Variants in TMEM114 observed in about 807,000 individuals in gnomAD.
TMEM114 encodes the protein transmembrane protein 114.
Under a neutral mutation model 6.2 loss-of-function variants are expected in TMEM114, and 6 were observed. That is an observed-to-expected ratio of 0.97 (90% CI 0.53 to 1.91). The LOEUF is 1.91. Ranked by LOEUF, TMEM114 falls within the 40% of genes most tolerant of loss-of-function variation. The probability of loss-of-function intolerance (pLI) is 0.01; values close to 1 mark genes in which losing one functional copy is unlikely to be tolerated. For missense variants in TMEM114, 218 were observed against 158.3 expected, an observed-to-expected ratio of 1.38 and a Z score of -2.02; for synonymous variants, 104 against 73.0, an observed-to-expected ratio of 1.42 and a Z score of -2.16.
intron 2 of TMEM114, among the ~76,000 whole-genome samples, chr16:8,561,966 G>A (rs200897708): frequency 7.9e-5 from 12 of 151,372 alleles, no homozygotes; most frequent in African/African-American, 2.9e-4. Flanking sequence ...GGGAGGGAGG[G>A]AATGAGTGAG....
chr16:8,554,769 G>A (rs1900953568), intron 2 of TMEM114, among the ~76,000 whole-genome samples: 1 of 152,210 alleles, frequency 6.6e-6, no homozygotes, highest in Admixed American at 6.5e-5. Flanking sequence ...CCTGTTCTAC[G>A]TACTTTGCCT....
chr16:8,565,562 C>T (rs546634529), downstream of TMEM114, among the ~76,000 whole-genome samples: 2 of 152,238 alleles, frequency 1.3e-5, no homozygotes, highest in African/African-American at 4.8e-5. Context: ...TATAAATCCC[C>T]TCCTCTAACC....
the TMEM114 span, among the ~76,000 whole-genome samples, chr16:8,530,148 C>A: frequency 6.6e-6 from 1 of 152,082 alleles, no homozygotes; most frequent in African/African-American, 2.4e-5. Context: ...CCTTTTTTTG[C>A]CTCCAATTTC....
intron 2 of TMEM114, 61 bp from the exon 3 acceptor site, chr16:8,572,285 A>C: frequency 1.3e-6 from 2 of 1,541,914 alleles, no homozygotes; most frequent in South Asian, 2.4e-5. Flanking sequence ...TCATTCAATC[A>C]ACAAACACTT....
chr16:8,582,038 G>C (rs549299573), intron 2 of TMEM114, among the ~76,000 whole-genome samples: 1 of 152,312 alleles, frequency 6.6e-6, no homozygotes, highest in African/African-American at 2.4e-5. Context: ...CAGGCATCGT[G>C]GGTGGGCTGG....
Position 8,573,475 on chromosome 16 carries a change from TGGA to T in TMEM114, c.302-1254_302-1252del, listed in dbSNP as rs1359125862. Reference sequence around the variant, plus strand: ...GTCAAGACCCATGATGAGGGGTGAATGGAGGAGGAGGAAGTCTAAGGTTTCAGG... The same window carrying T: ...GTCAAGACCCATGATGAGGGGTGAATGGAGGAGGAAGTCTAAGGTTTCAGG... On this transcript the variant is annotated intron_variant, in intron 2 of 3. Transcript: ENST00000620492. Among the ~76,000 whole-genome samples the T allele has an allele frequency of 5.3e-5, 8 of 151,944 alleles. No homozygotes were observed. The East Asian group carries it at 1.2e-3, about 22-fold the overall frequency.
intron 2 of TMEM114, among the ~76,000 whole-genome samples, chr16:8,547,541 C>T (rs544894087): frequency 2.0e-5 from 3 of 151,898 alleles, no homozygotes; most frequent in Admixed American, 1.3e-4. Flanking sequence ...TACAGGCACC[C>T]GCCACTACGC....
At chr16:8,584,728 C>T (rs1165746789) in intron 2 of TMEM114, among the ~76,000 whole-genome samples, 1 of 151,916 alleles carries the variant, frequency 6.6e-6, no homozygotes, top group South Asian at 2.1e-4. Context: ...TTGAGATCAG[C>T]CTGGCCAACG....
At chr16:8,573,463 A>C (rs1901802983) in intron 2 of TMEM114, among the ~76,000 whole-genome samples, 1 of 152,170 alleles carries the variant, frequency 6.6e-6, no homozygotes. Flanking sequence ...AAGACCCATG[A>C]TGAGGGGTGA....
Position 8,569,882 on chromosome 16 carries a change from G to T in TMEM114, c.563C>A (p.Ser188Tyr). ...GAAGCTGATCCAGCCCAGGGCCAGG[G>T]ACCAGCCGAAGCTGATGTCCACCTG... is the stretch of plus-strand genomic sequence containing the variant. ...LDQVDISFGW[S>Y]LALGWISFIA... The change falls in exon 4 of 4, where the codon TCC (serine) becomes TAC (tyrosine). Residue 188 changes from serine (S) to tyrosine (Y), a missense_variant. Transcript: ENST00000620492. 2 of 1,551,158 alleles carry T rather than the reference G, an allele frequency of 1.3e-6. No homozygotes were observed. Among genetic ancestry groups the T allele is most frequent in the Non-Finnish European group, 1.7e-6 (2 of 1,146,948 alleles).
chr16:8,556,379 A>G (rs1901009395), intron 2 of TMEM114, among the ~76,000 whole-genome samples: 1 of 152,106 alleles, frequency 6.6e-6, no homozygotes, highest in African/African-American at 2.4e-5. Flanking sequence ...AAGGGGTGAA[A>G]ACATTCATCC....
the TMEM114 span, among the ~76,000 whole-genome samples, chr16:8,528,459 C>G: frequency 6.6e-6 from 1 of 152,174 alleles, no homozygotes; most frequent in African/African-American, 2.4e-5. Context: ...TGTCTCAAAG[C>G]ATCCAATCAC....
the TMEM114 span, among the ~76,000 whole-genome samples, chr16:8,527,837 T>G: frequency 6.6e-6 from 1 of 152,196 alleles, no homozygotes; most frequent in African/African-American, 2.4e-5. Context: ...TGTGAGCTAT[T>G]TGCAAGTTAT....
intron 2 of TMEM114, among the ~76,000 whole-genome samples, chr16:8,538,806 G>A (rs1419221983): frequency 7.2e-5 from 11 of 152,192 alleles, no homozygotes; most frequent in South Asian, 2.1e-4. Flanking sequence ...GCGCCCGCCC[G>A]GCCGTGCTGT....
intron 2 of TMEM114, among the ~76,000 whole-genome samples, chr16:8,539,456 A>T (rs1191373925): frequency 6.6e-6 from 1 of 152,154 alleles, no homozygotes; most frequent in Non-Finnish European, 1.5e-5. Flanking sequence ...GACCCAGAGG[A>T]GGGCTCTGCC....
At chr16:8,574,627 G>T (rs962826470) in intron 2 of TMEM114, among the ~76,000 whole-genome samples, 1 of 113,372 alleles carries the variant, frequency 8.8e-6, no homozygotes, top group Non-Finnish European at 2.0e-5. Context: ...AAAGTCTTGG[G>T]CAGGGAAGTA....
At chr16:8,553,857 G>A (rs890017306) in intron 2 of TMEM114, among the ~76,000 whole-genome samples, 1 of 151,530 alleles carries the variant, frequency 6.6e-6, no homozygotes, top group African/African-American at 2.4e-5. Context: ...ACACCACTAT[G>A]GCTGCTAATT....
intron 2 of TMEM114, among the ~76,000 whole-genome samples, chr16:8,546,481 A>G (rs1900669843): frequency 6.6e-6 from 1 of 152,196 alleles, no homozygotes. Flanking sequence ...GACATTATCT[A>G]CAGGAACCAG....
chr16:8,556,307 C>T (rs986562929), intron 2 of TMEM114, among the ~76,000 whole-genome samples: 3 of 152,204 alleles, frequency 2.0e-5, no homozygotes, highest in African/African-American at 7.2e-5. Flanking sequence ...AGAGATCCTT[C>T]TAGGGCACAA....
Sources: allele counts gnomAD v4.1 joint callset (sites outside exome capture counted in the v4.1 genomes callset), GRCh38; gene constraint gnomAD v4.1.1; transcripts MANE v1.5; gene names NCBI Gene and HGNC (gene_info 2026-07-23, HGNC 2026-07-21).